STARD13: variants seen among roughly 807,000 people sequenced by gnomAD.
The protein encoded by STARD13 is StAR related lipid transfer domain containing 13, also known as stAR-related lipid transfer protein 13.
A neutral mutation model predicts 106.4 loss-of-function variants in STARD13; 62 were observed. That is an observed-to-expected ratio of 0.58 (90% confidence interval 0.48 to 0.72). The LOEUF (loss-of-function observed/expected upper bound fraction) is 0.72. Ranked by LOEUF, STARD13 falls within the 30% of genes least tolerant of loss-of-function variation. The probability of loss-of-function intolerance (pLI) is 0.00; values close to 1 mark genes in which losing one functional copy is unlikely to be tolerated. For missense variants in STARD13, 1,387 were observed against 1,424.0 expected (o/e 0.97, Z 0.42); for synonymous variants, 565 against 553.0 (o/e 1.02, Z -0.31).
At chr13:33,663,941 T>C in the STARD13 span, among the ~76,000 whole-genome samples, 3 of 152,184 alleles carry the variant, frequency 2.0e-5, no homozygotes, top group Admixed American at 6.5e-5. Context: ...TAATGACCAG[T>C]TCTGCCCTCA....
intron 7 of STARD13, among the ~76,000 whole-genome samples, chr13:33,120,098 G>A (rs1490388393): frequency 6.6e-6 from 1 of 152,206 alleles, no homozygotes; most frequent in African/African-American, 2.4e-5. Flanking sequence ...ATGCCCTGAA[G>A]GTAAATACTT....
the STARD13 span, among the ~76,000 whole-genome samples, chr13:33,380,496 T>C: frequency 9.5e-6 from 1 of 105,318 alleles, no homozygotes; most frequent in Non-Finnish European, 1.7e-5. Flanking sequence ...CACACACAAA[T>C]TCAAGTTCAT....
chr13:33,329,293 T>C (rs1359593756), intron 1 of STARD13, among the ~76,000 whole-genome samples: 2 of 152,208 alleles, frequency 1.3e-5, no homozygotes, highest in Admixed American at 6.5e-5. Flanking sequence ...TTATGACATA[T>C]AAAAAATTGT....
the STARD13 span, among the ~76,000 whole-genome samples, chr13:33,487,410 C>A: frequency 6.6e-6 from 1 of 152,022 alleles, no homozygotes; most frequent in Admixed American, 6.6e-5. Context: ...TAAAAATACA[C>A]AAAATTACTT....
the STARD13 span, among the ~76,000 whole-genome samples, chr13:33,648,783 C>CTTTTTTTTTTTTT: frequency 1.4e-4 from 11 of 77,004 alleles, no homozygotes; most frequent in African/African-American, 3.5e-4. Context: ...TTTTCTCTTT[C>CTTTTTTTTTTTTT]TTTTTTTTTT....
chr13:33,490,295 T>C, the STARD13 span, among the ~76,000 whole-genome samples: 5 of 152,044 alleles, frequency 3.3e-5, no homozygotes, highest in African/African-American at 1.2e-4. Context: ...AGAAGGCAGT[T>C]CCCCGGCAAA....
chr13:33,527,668 G>T, the STARD13 span, among the ~76,000 whole-genome samples: 1 of 151,234 alleles, frequency 6.6e-6, no homozygotes, highest in African/African-American at 2.4e-5. Flanking sequence ...CAGAATAAAA[G>T]AAAAAAATAA....
the STARD13 span, among the ~76,000 whole-genome samples, chr13:33,381,654 C>T: frequency 6.6e-6 from 1 of 152,110 alleles, no homozygotes; most frequent in African/African-American, 2.4e-5. Context: ...GCAGGAGAAT[C>T]GCTTGAACCC....
chr13:33,334,206 G>A (rs1285960131), intron 1 of STARD13, among the ~76,000 whole-genome samples: 1 of 152,182 alleles, frequency 6.6e-6, no homozygotes, highest in Non-Finnish European at 1.5e-5. Flanking sequence ...ATCCATTCTT[G>A]TATTTCCTCA....
the STARD13 span, among the ~76,000 whole-genome samples, chr13:33,555,826 A>T: frequency 6.6e-6 from 1 of 152,240 alleles, no homozygotes; most frequent in African/African-American, 2.4e-5. Context: ...TAAGTTAGGT[A>T]AATGGACTTT....
chr13:33,646,384 G>A, the STARD13 span, among the ~76,000 whole-genome samples: 1 of 152,194 alleles, frequency 6.6e-6, no homozygotes, highest in Admixed American at 6.5e-5. Flanking sequence ...TCTGCCTCGG[G>A]ATATACAGAG....
At chr13:33,376,795 A>G in the STARD13 span, among the ~76,000 whole-genome samples, 3 of 152,230 alleles carry the variant, frequency 2.0e-5, no homozygotes, top group Non-Finnish European at 4.4e-5. Flanking sequence ...ATGAGGAGCC[A>G]GTAAGCCTGA....
chr13:33,240,112 A>C (rs1889393879), intron 1 of STARD13, among the ~76,000 whole-genome samples: 1 of 152,162 alleles, frequency 6.6e-6, no homozygotes, highest in Non-Finnish European at 1.5e-5. Context: ...GTATGTAAAT[A>C]TCCAGTTTTC....
At chr13:33,553,752 G>A in the STARD13 span, among the ~76,000 whole-genome samples, 1 of 151,528 alleles carries the variant, frequency 6.6e-6, no homozygotes, top group African/African-American at 2.4e-5. Flanking sequence ...TCTAATTTTT[G>A]TATTTTTAGT....
At chr13:33,183,752 T>A (rs529018467) in intron 1 of STARD13, among the ~76,000 whole-genome samples, 4 of 152,094 alleles carry the variant, frequency 2.6e-5, no homozygotes, top group Admixed American at 1.3e-4. Flanking sequence ...AAGGATTAGG[T>A]CACCTTATGA....
the STARD13 span, among the ~76,000 whole-genome samples, chr13:33,670,155 A>G: frequency 1.3e-5 from 2 of 152,232 alleles, no homozygotes; most frequent in Admixed American, 1.3e-4. Flanking sequence ...CAGGGGGATG[A>G]GACTACGATA....
chr13:33,153,398 A>G (rs1289614930), intron 3 of STARD13, among the ~76,000 whole-genome samples: 1 of 152,186 alleles, frequency 6.6e-6, no homozygotes, highest in African/African-American at 2.4e-5. Flanking sequence ...AGGGATGCCC[A>G]GGGCCTGGGA....
chr13:33,154,164 G>A (rs116728335), intron 3 of STARD13, among the ~76,000 whole-genome samples: 1 of 152,140 alleles, frequency 6.6e-6, no homozygotes, highest in South Asian at 2.1e-4. Flanking sequence ...GGAGGGTGTC[G>A]GGCGCACTGG....
At chr13:33,536,464 G>A in the STARD13 span, among the ~76,000 whole-genome samples, 1 of 152,216 alleles carries the variant, frequency 6.6e-6, no homozygotes, top group Non-Finnish European at 1.5e-5. Flanking sequence ...CCCATCATGG[G>A]AGAGTCTCCT....
Sources: allele counts gnomAD v4.1 joint callset (sites outside exome capture counted in the v4.1 genomes callset), GRCh38; gene constraint gnomAD v4.1.1; transcripts MANE v1.5; gene names NCBI Gene and HGNC (gene_info 2026-07-23, HGNC 2026-07-21).